The following LCLAT1 variants were observed in gnomAD, a reference collection of about 807,000 sequenced individuals.
LCLAT1 encodes 1-AGP acyltransferase 8.
Under a neutral mutation model 30.7 loss-of-function variants are expected in LCLAT1, and 11 were observed. That is an observed-to-expected ratio of 0.36 (90% confidence interval 0.23 to 0.59). The LOEUF (loss-of-function observed/expected upper bound fraction) is 0.59, where lower values mean the gene tolerates loss of function less well. Ranked by LOEUF, LCLAT1 falls within the 20% of genes least tolerant of loss-of-function variation. LCLAT1 has a pLI of 0.77. For missense variants in LCLAT1, 402 were observed against 458.6 expected (o/e 0.88, Z 1.13); for synonymous variants, 155 against 151.3 (o/e 1.02, Z -0.18).
chr2:30,551,532 T>C (rs903290242), intron 3 of LCLAT1, among the ~76,000 whole-genome samples: 2 of 152,224 alleles, frequency 1.3e-5, no homozygotes, highest in African/African-American at 4.8e-5. Context: ...TGTATGAGTT[T>C]TCCATTGCAG....
intron 5 of LCLAT1, among the ~76,000 whole-genome samples, chr2:30,612,935 G>A (rs1306242128): frequency 2.6e-5 from 4 of 152,102 alleles, no homozygotes; most frequent in Non-Finnish European, 4.4e-5. Flanking sequence ...CAATAAGTAC[G>A]TAAAATTTAT....
chr2:30,604,660 C>CAAAAAAA (rs71405526), intron 5 of LCLAT1, among the ~76,000 whole-genome samples: 4 of 95,872 alleles, frequency 4.2e-5, no homozygotes, highest in African/African-American at 3.9e-5. Flanking sequence ...GACTCCGTCT[C>CAAAAAAA]AAAAAAAAAA....
At chr2:30,466,376 G>T (rs182940123) in intron 1 of LCLAT1, among the ~76,000 whole-genome samples, 43 of 151,842 alleles carry the variant, frequency 2.8e-4, no homozygotes, top group Middle Eastern at 3.4e-3. Flanking sequence ...TTGTAAGCAT[G>T]AGTCAATGTG....
chr2:30,462,504 T>C (rs1682204682), intron 1 of LCLAT1, among the ~76,000 whole-genome samples: 1 of 152,166 alleles, frequency 6.6e-6, no homozygotes, highest in Non-Finnish European at 1.5e-5. Context: ...ACCCTTCTGC[T>C]CAGGAAGACC....
intron 1 of LCLAT1, among the ~76,000 whole-genome samples, chr2:30,511,101 C>G (rs1412014319): frequency 6.6e-6 from 1 of 151,932 alleles, no homozygotes; most frequent in Non-Finnish European, 1.5e-5. Context: ...ATTATCTGTT[C>G]CTAATAAAAA....
intron 3 of LCLAT1, among the ~76,000 whole-genome samples, chr2:30,559,201 A>G (rs1486615678): frequency 6.6e-6 from 1 of 152,218 alleles, no homozygotes; most frequent in East Asian, 1.9e-4. Flanking sequence ...TTGACTGGAA[A>G]TAGGACACAT....
chr2:30,617,333 G>A (rs1391710517), intron 5 of LCLAT1, among the ~76,000 whole-genome samples: 2 of 152,088 alleles, frequency 1.3e-5, no homozygotes, highest in Non-Finnish European at 2.9e-5. Flanking sequence ...ATGCTGTTAA[G>A]TTTCATCCAT....
chr2:30,637,936 C>G (rs1001964405), intron 5 of LCLAT1, among the ~76,000 whole-genome samples: 1 of 152,162 alleles, frequency 6.6e-6, no homozygotes. Context: ...AAATACAGCT[C>G]CACTGAAGCT....
At chr2:30,594,663 A>T (rs962753533) in intron 5 of LCLAT1, among the ~76,000 whole-genome samples, 2 of 152,208 alleles carry the variant, frequency 1.3e-5, no homozygotes, top group African/African-American at 4.8e-5. Flanking sequence ...ATTAACTATT[A>T]TGTGGGAGGG....
chr2:30,451,937 T>C (rs534113903), intron 1 of LCLAT1, among the ~76,000 whole-genome samples: 13 of 152,366 alleles, frequency 8.5e-5, no homozygotes, highest in African/African-American at 3.1e-4. Context: ...TATGGATATA[T>C]GTATCAACAT....
At chr2:30,522,633 G>A (rs569281480) in intron 1 of LCLAT1, among the ~76,000 whole-genome samples, 2 of 152,290 alleles carry the variant, frequency 1.3e-5, no homozygotes, top group East Asian at 1.9e-4. Context: ...GGATATCTTT[G>A]TATGTTTATT....
At position 30,564,222 on chromosome 2, in the gene LCLAT1, AATAAAT is replaced by A. The variant is rs546517039; in HGVS notation, c.511+1934_511+1939del. Among the ~76,000 whole-genome samples the A allele has an allele frequency of 5.9e-3, 903 of 152,282 alleles. 3 individuals carry two copies. The highest frequency in any genetic ancestry group is 8.5e-3 in the Non-Finnish European group (577 of 67,998). On this transcript the variant is annotated intron_variant, in intron 4 of 5. Transcript: ENST00000379509. ...TGATATTGAAATATCAGCTTTATTTAATAAATATAGAGTATAGAAAGCCATTCACTG... is the reference window on the plus strand; with the variant it reads ...TGATATTGAAATATCAGCTTTATTTAATAGAGTATAGAAAGCCATTCACTG...
At chr2:30,481,184 G>T (rs1421038401) in intron 1 of LCLAT1, among the ~76,000 whole-genome samples, 1 of 152,288 alleles carries the variant, frequency 6.6e-6, no homozygotes, top group Admixed American at 6.5e-5. Flanking sequence ...AGGTAGAAGG[G>T]GAGTGGTAAT....
At position 30,641,018 on chromosome 2, in the gene LCLAT1, T is replaced by A. The variant is rs72863050; in HGVS notation, c.*399T>A. 1 of 174,928 alleles carries A rather than the reference T, an allele frequency of 5.7e-6. No individual in the cohort carries two copies. The highest frequency in any genetic ancestry group is 2.4e-5 in the African/African-American group (1 of 41,532). The allele number at this position is 174,928 out of a possible 1,614,324, so 10.8% of individuals were successfully genotyped here. A position where few individuals can be genotyped will look rare whatever the true frequency, so the allele number is the denominator to read the frequency against. ...CTGTTACTGGACTGCCCAGGTCACCTCATTGAGGTGAGCGCTGTCCCTCCA... is the reference window on the plus strand; with the variant it reads ...CTGTTACTGGACTGCCCAGGTCACCACATTGAGGTGAGCGCTGTCCCTCCA... On this transcript the variant is annotated 3_prime_UTR_variant, in exon 6 of 6. Coordinates refer to ENST00000379509, the MANE Select transcript of LCLAT1 (RefSeq NM_001002257.3).
intron 5 of LCLAT1, among the ~76,000 whole-genome samples, chr2:30,574,616 A>G (rs1437935322): frequency 6.6e-6 from 1 of 152,198 alleles, no homozygotes; most frequent in East Asian, 1.9e-4. Context: ...CAGACTCTAT[A>G]TGGATTTAGA....
intron 5 of LCLAT1, among the ~76,000 whole-genome samples, chr2:30,628,311 G>A (rs978092942): frequency 6.6e-6 from 1 of 152,168 alleles, no homozygotes. Context: ...CATTTTCTTG[G>A]TTGAGAAGAG....
At chr2:30,537,397 AAAAG>A (rs1419697118) in intron 3 of LCLAT1, among the ~76,000 whole-genome samples, 1 of 152,004 alleles carries the variant, frequency 6.6e-6, no homozygotes, top group Non-Finnish European at 1.5e-5. Context: ...CAAAAAAAAA[AAAAG>A]ATAGACTTCA....
Position 30,640,676 on chromosome 2 carries a change from T to C in LCLAT1, c.*57T>C. On this transcript the variant is annotated 3_prime_UTR_variant, in exon 6 of 6. Coordinates refer to ENST00000379509, the MANE Select transcript of LCLAT1 (RefSeq NM_001002257.3). ...GCATATTTTGGAAATGTTCTAAACC[T>C]TTCTAAGCTCAGATGCATTTTTGCA... 6.6e-7 allele frequency: 1 copy of C among 1,508,986 alleles called. No homozygotes were observed. The highest frequency in any genetic ancestry group is 8.8e-7 in the Non-Finnish European group (1 of 1,132,390). The allele number at this position is 1,508,986 out of a possible 1,614,324, so 93.5% of individuals were successfully genotyped here.
chr2:30,639,140 G>A (rs1315204838), intron 5 of LCLAT1, among the ~76,000 whole-genome samples: 1 of 152,190 alleles, frequency 6.6e-6, no homozygotes, highest in Non-Finnish European at 1.5e-5. Flanking sequence ...ATGGGGTCTT[G>A]GACCACATGG....
Sources: gnomAD v4.1 joint callset for allele counts (sites outside exome capture counted in the v4.1 genomes callset) on GRCh38, gnomAD v4.1.1 for gene constraint, MANE v1.5 for transcripts, NCBI Gene and HGNC (gene_info 2026-07-23, HGNC 2026-07-21) for gene names.